Variants in SV2C observed in about 807,000 individuals in gnomAD.
SV2C encodes synaptic vesicle glycoprotein 2C.
SV2C carries 49 observed loss-of-function variants against 79.7 expected under a neutral mutation model. The ratio of observed to expected loss-of-function variants is 0.61; its 90% CI spans 0.49 to 0.78. The LOEUF is 0.78. Among genes scored for constraint, SV2C ranks in the 30% least tolerant of loss-of-function variants. The pLI is 0.00. For synonymous variants in SV2C, 334 were observed against 333.2 expected, an observed-to-expected ratio of 1.00 and a Z score of -0.03; for missense variants, 833 against 912.9, an observed-to-expected ratio of 0.91 and a Z score of 1.13.
chr5:76,033,666 T>C, the SV2C span, among the ~76,000 whole-genome samples: 2 of 152,234 alleles, frequency 1.3e-5, no homozygotes, highest in African/African-American at 4.8e-5. Context: ...TAGTATAGTT[T>C]GAAGTCAGGT....
At chr5:76,281,019 A>G in intron 4 of SV2C, 1 of 540,470 alleles carries the variant, frequency 1.9e-6, no homozygotes, top group Non-Finnish European at 3.8e-6. Context: ...GAGAAACAGT[A>G]TCTTAGCCCA....
chr5:76,013,049 G>C, the SV2C span, among the ~76,000 whole-genome samples: 1 of 152,246 alleles, frequency 6.6e-6, no homozygotes, highest in Non-Finnish European at 1.5e-5. Flanking sequence ...GATGCCTCCA[G>C]CTTTGTTCTT....
At chr5:76,067,122 A>G in the SV2C span, among the ~76,000 whole-genome samples, 3 of 152,320 alleles carry the variant, frequency 2.0e-5, no homozygotes, top group South Asian at 4.1e-4. Context: ...TTTGTCAAAA[A>G]GATATTGTCA....
intron 7 of SV2C, 66 bp downstream of exon 7, chr5:76,291,397 G>T: frequency 7.6e-7 from 1 of 1,309,362 alleles, no homozygotes; most frequent in Non-Finnish European, 1.1e-6. Flanking sequence ...TCAGAAGAGG[G>T]GTTTACTGGG....
chr5:76,073,505 A>G, the SV2C span, among the ~76,000 whole-genome samples: 563 of 37,852 alleles, frequency 0.015, 2 homozygotes, highest in African/African-American at 0.058. Flanking sequence ...ATGTGTGTGT[A>G]TATATATATA....
chr5:76,244,221 G>A (rs958765635), intron 4 of SV2C, among the ~76,000 whole-genome samples: 17 of 152,224 alleles, frequency 1.1e-4, no homozygotes, highest in African/African-American at 3.9e-4. Context: ...TCAAAAAGCA[G>A]AATGAGATGT....
chr5:76,055,780 A>C, the SV2C span, among the ~76,000 whole-genome samples: 1 of 152,232 alleles, frequency 6.6e-6, no homozygotes, highest in East Asian at 1.9e-4. Context: ...GAGTTCATTC[A>C]TGATTTGGCT....
At chr5:76,225,560 G>T (rs1473329686) in intron 4 of SV2C, among the ~76,000 whole-genome samples, 1 of 152,174 alleles carries the variant, frequency 6.6e-6, no homozygotes, top group Admixed American at 6.5e-5. Flanking sequence ...GGTTAGAACA[G>T]AGTGAAGTGG....
chr5:76,173,452 G>A (rs914498454), intron 2 of SV2C, among the ~76,000 whole-genome samples: 1 of 152,122 alleles, frequency 6.6e-6, no homozygotes, highest in Non-Finnish European at 1.5e-5. Context: ...TTGTGATACT[G>A]GAAAGTGATT....
the SV2C span, among the ~76,000 whole-genome samples, chr5:75,989,180 G>A: frequency 6.6e-6 from 1 of 151,744 alleles, no homozygotes; most frequent in African/African-American, 2.4e-5. Context: ...TACACGTGCA[G>A]GAGAATGCGC....
the SV2C span, among the ~76,000 whole-genome samples, chr5:75,856,551 G>A: frequency 6.6e-6 from 1 of 152,116 alleles, no homozygotes; most frequent in Non-Finnish European, 1.5e-5. Flanking sequence ...CCATGATGTT[G>A]AGCAGCTTTT....
intron 12 of SV2C, among the ~76,000 whole-genome samples, chr5:76,340,822 C>A (rs1248192601): frequency 6.6e-6 from 1 of 151,996 alleles, no homozygotes; most frequent in Non-Finnish European, 1.5e-5. Flanking sequence ...GTTGTCCAGG[C>A]TGGTCTCGAA....
At chr5:76,107,284 G>C (rs1008387105) in intron 1 of SV2C, among the ~76,000 whole-genome samples, 3 of 152,170 alleles carry the variant, frequency 2.0e-5, no homozygotes, top group Non-Finnish European at 1.5e-5. Flanking sequence ...CCAACAATTT[G>C]AGAGTGATGA....
chr5:75,852,729 A>G, the SV2C span, among the ~76,000 whole-genome samples: 8 of 151,324 alleles, frequency 5.3e-5, no homozygotes, highest in South Asian at 2.1e-4. Flanking sequence ...GGGAGGCTGA[A>G]GCAGGAGAAT....
the SV2C span, among the ~76,000 whole-genome samples, chr5:76,027,054 G>A: frequency 7.0e-6 from 1 of 143,790 alleles, no homozygotes; most frequent in African/African-American, 2.6e-5. Flanking sequence ...ATTATTTTCA[G>A]TTGTCTTTTT....
the SV2C span, among the ~76,000 whole-genome samples, chr5:76,074,093 T>A: frequency 6.6e-6 from 1 of 152,278 alleles, no homozygotes; most frequent in Admixed American, 6.5e-5. Flanking sequence ...CAGAACTTCC[T>A]CTGCAGTGAA....
the SV2C span, among the ~76,000 whole-genome samples, chr5:75,874,250 A>C: frequency 6.6e-6 from 1 of 152,222 alleles, no homozygotes; most frequent in African/African-American, 2.4e-5. Flanking sequence ...TTGGTTCAAC[A>C]TATGCAAATC....
At chr5:76,090,895 A>G (rs1034650137) in intron 1 of SV2C, among the ~76,000 whole-genome samples, 1 of 152,198 alleles carries the variant, frequency 6.6e-6, no homozygotes, top group Non-Finnish European at 1.5e-5. Context: ...TGCAGCAAGG[A>G]ACAGCCATGT....
chr5:76,230,202 T>A (rs1168338683), intron 4 of SV2C, among the ~76,000 whole-genome samples: 5 of 152,178 alleles, frequency 3.3e-5, no homozygotes, highest in Admixed American at 6.5e-5. Flanking sequence ...AAGACACAAA[T>A]TTATCTTGCA....
Sources: gnomAD v4.1 joint callset for allele counts (sites outside exome capture counted in the v4.1 genomes callset) on GRCh38, gnomAD v4.1.1 for gene constraint, MANE v1.5 for transcripts, NCBI Gene and HGNC (gene_info 2026-07-23, HGNC 2026-07-21) for gene names.